MDGA2: variants seen among roughly 807,000 people sequenced by gnomAD.
MDGA2 encodes the protein MAM domain-containing glycosylphosphatidylinositol anchor protein 2.
A neutral mutation model predicts 117.8 loss-of-function variants in MDGA2; 40 were observed. That is an observed-to-expected ratio of 0.34 (90% CI 0.26 to 0.44). The LOEUF (loss-of-function observed/expected upper bound fraction) is 0.44, where lower values mean the gene tolerates loss of function less well. Among genes scored for constraint, MDGA2 ranks in the 20% least tolerant of loss-of-function variants. MDGA2 has a pLI of 1.00. For missense variants in MDGA2, 1,123 were observed against 1,250.6 expected (o/e 0.90, Z 1.54); for synonymous variants, 452 against 439.0 (o/e 1.03, Z -0.37).
intron 14 of MDGA2, among the ~76,000 whole-genome samples, chr14:46,860,781 T>C (rs1448524326): frequency 6.6e-6 from 1 of 152,004 alleles, no homozygotes; most frequent in East Asian, 1.9e-4. Context: ...TTCCATCTTT[T>C]TCTTGGTCCA....
At chr14:47,591,818 C>T (rs1292448323) in intron 1 of MDGA2, among the ~76,000 whole-genome samples, 1 of 152,048 alleles carries the variant, frequency 6.6e-6, no homozygotes, top group East Asian at 1.9e-4. Flanking sequence ...AAACCCTCAG[C>T]CAATATCATA....
chr14:47,390,348 C>A (rs1443540823), intron 1 of MDGA2, among the ~76,000 whole-genome samples: 1 of 151,660 alleles, frequency 6.6e-6, no homozygotes, highest in Non-Finnish European at 1.5e-5. Flanking sequence ...ATGGAATCAT[C>A]AGGGAAGATA....
chr14:47,433,164 AG>A (rs1892833103), intron 1 of MDGA2, among the ~76,000 whole-genome samples: 1 of 152,120 alleles, frequency 6.6e-6, no homozygotes, highest in Non-Finnish European at 1.5e-5. Flanking sequence ...TAATTTGGGT[AG>A]TTATAAGATG....
At chr14:46,906,208 A>T (rs569062246) in intron 10 of MDGA2, among the ~76,000 whole-genome samples, 1 of 151,864 alleles carries the variant, frequency 6.6e-6, no homozygotes, top group East Asian at 1.9e-4. Context: ...AAATGATTTC[A>T]TAAATTTATC....
intron 8 of MDGA2, among the ~76,000 whole-genome samples, chr14:46,963,723 A>C (rs1323798577): frequency 6.6e-6 from 1 of 152,136 alleles, no homozygotes; most frequent in Non-Finnish European, 1.5e-5. Flanking sequence ...TTATCATTGC[A>C]TATATTTTCT....
At chr14:47,619,150 CAGAT>C (rs10590308) in intron 1 of MDGA2, among the ~76,000 whole-genome samples, 42,726 of 140,748 alleles carry the variant, frequency 0.3, 7,110 homozygotes, top group East Asian at 0.46. Flanking sequence ...CACACACACA[CAGAT>C]ACATTATCTA....
rs554033378 is a variant in MDGA2 at position 47,242,612 on chromosome 14, A to G, written c.421-24417T>C. On this transcript the variant is annotated intron_variant, in intron 2 of 16. Coordinates refer to ENST00000399232, the MANE Select transcript of MDGA2 (RefSeq NM_001113498.3). Reference sequence around the variant, plus strand: ...GCCAGTGGCTGCGGAGGGTGTACTGAGTCCCCCAGCAGTGCTGGCCCACCA... The same window carrying G: ...GCCAGTGGCTGCGGAGGGTGTACTGGGTCCCCCAGCAGTGCTGGCCCACCA... Among the ~76,000 whole-genome samples the G allele has an allele frequency of 4.0e-4, 61 of 151,878 alleles. 1 individual carries two copies. The highest frequency in any genetic ancestry group is 1.2e-3 in the African/African-American group (49 of 41,506).
intron 2 of MDGA2, among the ~76,000 whole-genome samples, chr14:47,249,441 C>G (rs1304742865): frequency 1.3e-5 from 2 of 152,138 alleles, no homozygotes; most frequent in African/African-American, 4.8e-5. Context: ...CCCACCTCGG[C>G]CTCCTGAATA....
chr14:46,842,241 G>C (rs780420309), intron 16 of MDGA2, among the ~76,000 whole-genome samples: 1 of 152,118 alleles, frequency 6.6e-6, no homozygotes, highest in Non-Finnish European at 1.5e-5. Context: ...TACAGATTTT[G>C]AATTGATATA....
chr14:47,396,998 T>C (rs1892025942), intron 1 of MDGA2, among the ~76,000 whole-genome samples: 1 of 152,200 alleles, frequency 6.6e-6, no homozygotes. Flanking sequence ...CCCAAAGGAT[T>C]ATAAATCATT....
chr14:47,411,757 A>G (rs8009848), intron 1 of MDGA2, among the ~76,000 whole-genome samples: 73,880 of 151,974 alleles, frequency 0.49, 18,266 homozygotes, highest in Middle Eastern at 0.56. Context: ...TGTCAAATTC[A>G]CAAATTCTGC....
At chr14:46,921,080 C>T (rs1002614247) in intron 9 of MDGA2, among the ~76,000 whole-genome samples, 1 of 152,060 alleles carries the variant, frequency 6.6e-6, no homozygotes. Flanking sequence ...TTTTCTATTA[C>T]AAATAACATA....
chr14:47,351,913 A>ACACG (rs1555375738), intron 1 of MDGA2, among the ~76,000 whole-genome samples: 3 of 110,084 alleles, frequency 2.7e-5, no homozygotes, highest in Admixed American at 1.6e-4. Context: ...ACACACACAC[A>ACACG]CACACACACA....
At chr14:46,867,050 T>A (rs1442613267) in intron 14 of MDGA2, among the ~76,000 whole-genome samples, 1 of 151,658 alleles carries the variant, frequency 6.6e-6, no homozygotes, top group East Asian at 1.9e-4. Flanking sequence ...GGGTATATAC[T>A]CAAAGGACTA....
chr14:47,561,723 T>C (rs1895820534), intron 1 of MDGA2, among the ~76,000 whole-genome samples: 1 of 152,202 alleles, frequency 6.6e-6, no homozygotes, highest in African/African-American at 2.4e-5. Context: ...TTTGTTTCTT[T>C]ACCTTGCTTG....
At chr14:47,655,307 G>A (rs540885272) in intron 1 of MDGA2, among the ~76,000 whole-genome samples, 2 of 152,118 alleles carry the variant, frequency 1.3e-5, no homozygotes, top group Non-Finnish European at 2.9e-5. Context: ...TGAACCAGAA[G>A]CAGTTCTCAT....
At chr14:46,965,905 A>G (rs377182470) in intron 8 of MDGA2, among the ~76,000 whole-genome samples, 1 of 152,316 alleles carries the variant, frequency 6.6e-6, no homozygotes, top group East Asian at 1.9e-4. Context: ...AAATCTACTT[A>G]GCATATTCTG....
chr14:47,378,281 A>C (rs975830423), intron 1 of MDGA2, among the ~76,000 whole-genome samples: 5 of 152,218 alleles, frequency 3.3e-5, no homozygotes, highest in African/African-American at 1.2e-4. Flanking sequence ...AAAAGCTGAA[A>C]ATTCTAAAAA....
chr14:47,446,071 T>C (rs962281965), intron 1 of MDGA2, among the ~76,000 whole-genome samples: 1 of 152,138 alleles, frequency 6.6e-6, no homozygotes, highest in Non-Finnish European at 1.5e-5. Flanking sequence ...CAAGAAATTC[T>C]CACAAACCCA....
Sources: allele counts gnomAD v4.1 joint callset (sites outside exome capture counted in the v4.1 genomes callset), GRCh38; gene constraint gnomAD v4.1.1; transcripts MANE v1.5; gene names NCBI Gene and HGNC (gene_info 2026-07-23, HGNC 2026-07-21).